NBAS: variants seen among roughly 807,000 people sequenced by gnomAD.
The protein encoded by NBAS is NAG/BC035112 fusion.
In NBAS, 219 loss-of-function variants were observed where a neutral mutation model predicts 302.5. The ratio of observed to expected loss-of-function variants is 0.72; its 90% CI spans 0.65 to 0.81. The LOEUF (loss-of-function observed/expected upper bound fraction) is 0.81, where lower values mean the gene tolerates loss of function less well. Among genes scored for constraint, NBAS ranks in the 30% least tolerant of loss-of-function variants. The pLI, the probability that NBAS is intolerant of heterozygous loss-of-function variation, is 0.00. For synonymous variants in NBAS, 1,118 were observed against 1,021.6 expected (o/e 1.09, Z -1.80); for missense variants, 2,932 against 2,841.6 (o/e 1.03, Z -0.72).
rs146381038 is a variant in NBAS at position 15,178,899 on chromosome 2, G to A, written c.6840+89C>T. On this transcript the variant is annotated intron_variant, in intron 51 of 51. Transcript: ENST00000281513. ...GATATAGTAGTCTTCAATTAACCAC[G>A]GTGTTATTTATGAGAATGAAAGTGC... The A allele has an allele frequency of 8.3e-6, 13 of 1,561,604 alleles. No individual in the cohort carries two copies. In the East Asian group the frequency reaches 2.5e-4, roughly 31 times the overall value.
At chr2:15,321,576 A>G (rs556910752) in intron 38 of NBAS, among the ~76,000 whole-genome samples, 7 of 152,352 alleles carry the variant, frequency 4.6e-5, no homozygotes, top group Non-Finnish European at 8.8e-5. Flanking sequence ...CCCATCAAAC[A>G]GTGGGCAAAG....
intron 48 of NBAS, among the ~76,000 whole-genome samples, chr2:15,209,842 T>C (rs1293170047): frequency 6.6e-6 from 1 of 152,176 alleles, no homozygotes; most frequent in Non-Finnish European, 1.5e-5. Context: ...AAACCCATTT[T>C]TGACAAAGGT....
chr2:15,188,692 A>C (rs1665200997), intron 49 of NBAS, among the ~76,000 whole-genome samples: 1 of 152,230 alleles, frequency 6.6e-6, no homozygotes, highest in South Asian at 2.1e-4. Flanking sequence ...TTACAAATGC[A>C]CTAAATGTTT....
the NBAS span, among the ~76,000 whole-genome samples, chr2:15,152,866 C>T: frequency 6.6e-6 from 1 of 152,186 alleles, no homozygotes; most frequent in Non-Finnish European, 1.5e-5. Flanking sequence ...GAGGGTGTCA[C>T]AAAGAATGGA....
chr2:15,477,159 T>C lies in NBAS; in HGVS notation c.1147+1067A>G, dbSNP rs992389740. 3.3e-5 allele frequency among the ~76,000 whole-genome samples: 5 copies of C among 152,218 alleles called. 1 individual carries two copies. Among genetic ancestry groups the C allele is most frequent in the Admixed American group, 3.3e-4 (5 of 15,284 alleles). Reference sequence around the variant, plus strand: ...AGTAGTACTTTTCCTCAAAAATACGTCTGGATGAATATTTTGGATGATTAT... The same window carrying C: ...AGTAGTACTTTTCCTCAAAAATACGCCTGGATGAATATTTTGGATGATTAT... On this transcript the variant is annotated intron_variant, in intron 13 of 51. Coordinates refer to ENST00000281513, the MANE Select transcript of NBAS (RefSeq NM_015909.4).
intron 6 of NBAS, among the ~76,000 whole-genome samples, chr2:15,550,591 C>CTT (rs34088172): frequency 0.023 from 3,272 of 144,216 alleles, 99 homozygotes; most frequent in African/African-American, 0.057. Flanking sequence ...TCTGTCTTTT[C>CTT]TTTTTTTTTT....
intron 25 of NBAS, among the ~76,000 whole-genome samples, chr2:15,406,742 C>T (rs1278290264): frequency 6.6e-6 from 1 of 152,098 alleles, no homozygotes; most frequent in African/African-American, 2.4e-5. Flanking sequence ...GGAGTAAGGA[C>T]AGGAATAAAT....
the NBAS span, among the ~76,000 whole-genome samples, chr2:15,134,889 G>T: frequency 6.6e-6 from 1 of 152,176 alleles, no homozygotes; most frequent in Non-Finnish European, 1.5e-5. Flanking sequence ...CCTCTAATGG[G>T]TCGGAGCTTG....
At chr2:15,385,689 G>A (rs1485088389) in intron 28 of NBAS, among the ~76,000 whole-genome samples, 1 of 152,160 alleles carries the variant, frequency 6.6e-6, no homozygotes, top group Non-Finnish European at 1.5e-5. Flanking sequence ...GCTGACATCT[G>A]CCACCCTTTA....
At chr2:15,242,196 A>G (rs1667896030) in intron 44 of NBAS, among the ~76,000 whole-genome samples, 1 of 152,242 alleles carries the variant, frequency 6.6e-6, no homozygotes, top group Non-Finnish European at 1.5e-5. Context: ...GTAGGTTATG[A>G]GAGACAGGTG....
chr2:15,394,897 T>A (rs889138269), intron 27 of NBAS, among the ~76,000 whole-genome samples: 1 of 152,108 alleles, frequency 6.6e-6, no homozygotes, highest in Non-Finnish European at 1.5e-5. Flanking sequence ...ATCAACATCA[T>A]ATAAATACTT....
chr2:15,144,065 A>ATATATATATATATATAT, the NBAS span, among the ~76,000 whole-genome samples: 26 of 121,654 alleles, frequency 2.1e-4, no homozygotes, highest in East Asian at 8.5e-4. Flanking sequence ...ATATATATAT[A>ATATATATATATATATAT]TATCTCCCAT....
intron 12 of NBAS, among the ~76,000 whole-genome samples, chr2:15,486,959 C>T (rs1044632628): frequency 6.0e-5 from 9 of 151,070 alleles, no homozygotes; most frequent in Admixed American, 2.0e-4. Flanking sequence ...TAAACAAAAG[C>T]GCATACTAAT....
At chr2:15,387,642 T>TC (rs1675369733) in intron 28 of NBAS, among the ~76,000 whole-genome samples, 1 of 151,696 alleles carries the variant, frequency 6.6e-6, no homozygotes, top group African/African-American at 2.4e-5. Context: ...GAAATTATTT[T>TC]TTTTTTTAAG....
chr2:14,946,197 G>A, the NBAS span, among the ~76,000 whole-genome samples: 5 of 152,228 alleles, frequency 3.3e-5, no homozygotes, highest in South Asian at 2.1e-4. Flanking sequence ...TCAAAACCTT[G>A]AGAAAGAGAT....
the NBAS span, among the ~76,000 whole-genome samples, chr2:14,796,239 T>C: frequency 6.6e-6 from 1 of 152,242 alleles, no homozygotes; most frequent in Non-Finnish European, 1.5e-5. Context: ...CCTTGGTTAG[T>C]GAAGCATTAT....
downstream of NBAS, among the ~76,000 whole-genome samples, chr2:15,163,036 G>A (rs1572379740): frequency 1.3e-5 from 2 of 152,286 alleles, no homozygotes; most frequent in Middle Eastern, 3.4e-3. Context: ...CTCGTGCCAC[G>A]GGCCTGCCGC....
At chr2:14,788,217 A>G in the NBAS span, among the ~76,000 whole-genome samples, 1 of 152,082 alleles carries the variant, frequency 6.6e-6, no homozygotes, top group African/African-American at 2.4e-5. Flanking sequence ...CTAGTTATAC[A>G]TTCGTCTAAA....
At chr2:15,226,523 T>C (rs1372783741) in intron 47 of NBAS, among the ~76,000 whole-genome samples, 1 of 152,216 alleles carries the variant, frequency 6.6e-6, no homozygotes, top group African/African-American at 2.4e-5. Context: ...TAGATTTCTT[T>C]TATGAAAGAA....
Sources: allele counts gnomAD v4.1 joint callset (sites outside exome capture counted in the v4.1 genomes callset), GRCh38; gene constraint gnomAD v4.1.1; transcripts MANE v1.5; gene names NCBI Gene and HGNC (gene_info 2026-07-23, HGNC 2026-07-21).